ANKRD26: variants seen among roughly 807,000 people sequenced by gnomAD.
ANKRD26 encodes the protein ankyrin repeat domain 26, also known as ankyrin repeat domain-containing protein 26.
ANKRD26 carries 141 observed loss-of-function variants against 208.7 expected under a neutral mutation model. The ratio of observed to expected loss-of-function variants is 0.68; its 90% CI spans 0.59 to 0.78. The LOEUF (loss-of-function observed/expected upper bound fraction) is 0.78. ANKRD26 is among the 30% of genes least tolerant of loss of function. The pLI is 0.00. For synonymous variants in ANKRD26, 636 were observed against 660.4 expected, an observed-to-expected ratio of 0.96 and a Z score of 0.57; for missense variants, 1,889 against 1,938.7, an observed-to-expected ratio of 0.97 and a Z score of 0.48.
intron 1 of ANKRD26, among the ~76,000 whole-genome samples, chr10:27,098,715 AT>A (rs1052131123): frequency 6.6e-6 from 1 of 151,224 alleles, no homozygotes; most frequent in Non-Finnish European, 1.5e-5. Flanking sequence ...TGCCCGGCTG[AT>A]TTTTTTGTAT....
At chr10:27,027,273 A>C (rs1277536822) in intron 27 of ANKRD26, among the ~76,000 whole-genome samples, 1 of 152,236 alleles carries the variant, frequency 6.6e-6, no homozygotes, top group Non-Finnish European at 1.5e-5. Context: ...TGCTTGTATA[A>C]TGACATAGTA....
chr10:27,025,439 GAATTACA>G (rs2053629545), intron 27 of ANKRD26, among the ~76,000 whole-genome samples: 1 of 151,938 alleles, frequency 6.6e-6, no homozygotes, highest in Non-Finnish European at 1.5e-5. Context: ...TAAAGCACTG[GAATTACA>G]GGTGTCAGCC....
intron 6 of ANKRD26, among the ~76,000 whole-genome samples, chr10:27,079,593 C>A (rs557000655): frequency 6.6e-6 from 1 of 152,238 alleles, no homozygotes; most frequent in South Asian, 2.1e-4. Context: ...GTGGCTCGTG[C>A]CTGTAATCCC....
intron 4 of ANKRD26, 152 bp from the exon 5 acceptor site, chr10:27,086,761 C>CTTTTTTTTTT (rs1255812481): frequency 1.3e-5 from 5 of 376,062 alleles, no homozygotes; most frequent in African/African-American, 2.9e-5. Flanking sequence ...GCTCTACAAA[C>CTTTTTTTTTT]TTTTTTGTTT....
intron 2 of ANKRD26, 22 bp downstream of exon 2, chr10:27,093,663 G>A: frequency 6.2e-7 from 1 of 1,607,300 alleles, no homozygotes; most frequent in Non-Finnish European, 8.5e-7. Context: ...ATCTGATGCT[G>A]AAAGAGCTGG....
intron 33 of ANKRD26, among the ~76,000 whole-genome samples, chr10:27,006,322 C>T (rs1158662500): frequency 6.6e-6 from 1 of 152,064 alleles, no homozygotes; most frequent in Non-Finnish European, 1.5e-5. Context: ...CAAAGGGGCC[C>T]GAAGAACAGC....
intron 32 of ANKRD26, among the ~76,000 whole-genome samples, chr10:27,011,290 T>G (rs1419076180): frequency 6.6e-6 from 1 of 152,236 alleles, no homozygotes; most frequent in African/African-American, 2.4e-5. Flanking sequence ...AGGGTCTTGC[T>G]ATGCTGCCCA....
the ANKRD26 span, among the ~76,000 whole-genome samples, chr10:26,964,371 C>G: frequency 1.3e-5 from 2 of 152,086 alleles, no homozygotes; most frequent in Admixed American, 6.5e-5. Context: ...AACACCACAC[C>G]CTTCTCCACA....
rs2055161669 is a variant in ANKRD26 at position 27,064,232 on chromosome 10, C to T, written c.1270-151G>A. 6.1e-6 allele frequency: 4 copies of T among 652,324 alleles called. No homozygotes were observed. In the East Asian group the frequency reaches 1.1e-4, roughly 18 times the overall value. 40.4% of individuals were successfully genotyped at this position (652,324 alleles called of 1,614,324 possible). A position where few individuals can be genotyped will look rare whatever the true frequency, so the allele number is the denominator to read the frequency against. On this transcript the variant is annotated intron_variant, in intron 11 of 33. Transcript: ENST00000376087. ...GATAAGCATGTATTGAAAACCAAAA[C>T]ATTTCAATAAAGAACCTCATATATG...
chr10:26,998,368 C>T lies in ANKRD26; in HGVS notation c.563-3221G>A, dbSNP rs189627057. Among the ~76,000 whole-genome samples the T allele has an allele frequency of 1.1e-4, 17 of 152,280 alleles. No homozygotes were observed. In the East Asian group the frequency reaches 3.3e-3, roughly 29 times the overall value. ...GGAATGACATTTAGCAGAGAAGGTG[C>T]TCGCTCCCAGGCATCTTTGAGCCTG... On this transcript the variant is annotated intron_variant, in intron 4 of 5. Coordinates refer to the ANKRD26 transcript ENST00000445828.
exon 6 of ANKRD26, among the ~76,000 whole-genome samples, chr10:26,975,940 G>C (rs1589159302): frequency 6.6e-6 from 1 of 152,126 alleles, no homozygotes; most frequent in East Asian, 1.9e-4. Flanking sequence ...CGTAGGATAA[G>C]ATTATTGTTG....
chr10:26,979,359 T>C (rs1485709360), intron 5 of ANKRD26, among the ~76,000 whole-genome samples: 1 of 152,176 alleles, frequency 6.6e-6, no homozygotes, highest in Non-Finnish European at 1.5e-5. Flanking sequence ...TAGTCTTGAC[T>C]CTGGAAACTG....
At chr10:27,052,162 G>A (rs1167244916) in intron 16 of ANKRD26, 8 of 977,332 alleles carry the variant, frequency 8.2e-6, no homozygotes, top group African/African-American at 1.8e-5. Flanking sequence ...AATCAAGTAC[G>A]GACAAAGAAA....
intron 5 of ANKRD26, among the ~76,000 whole-genome samples, chr10:26,979,210 C>T (rs781178057): frequency 6.6e-6 from 1 of 152,164 alleles, no homozygotes; most frequent in Non-Finnish European, 1.5e-5. Flanking sequence ...CAGAGCGAGA[C>T]TCCATCTCAA....
intron 32 of ANKRD26, 65 bp from the exon 33 acceptor site, chr10:27,007,027 T>C (rs960713507): frequency 5.5e-5 from 67 of 1,225,180 alleles, no homozygotes; most frequent in Admixed American, 4.7e-4. Flanking sequence ...ATAGAAATGA[T>C]GTATCACTTA....
chr10:27,079,365 G>A (rs1195166185), intron 6 of ANKRD26, among the ~76,000 whole-genome samples: 2 of 152,144 alleles, frequency 1.3e-5, no homozygotes, highest in Non-Finnish European at 2.9e-5. Context: ...ACCAATTGCT[G>A]CCTCTACCTC....
intron 4 of ANKRD26, 46 bp downstream of exon 4, chr10:27,092,360 T>C (rs1303353562): frequency 6.9e-7 from 1 of 1,451,380 alleles, no homozygotes; most frequent in African/African-American, 1.4e-5. Context: ...AAAAAAACTT[T>C]TAAACATACA....
chr10:27,078,422 T>C (rs959274810), intron 7 of ANKRD26, among the ~76,000 whole-genome samples: 1 of 152,078 alleles, frequency 6.6e-6, no homozygotes, highest in Non-Finnish European at 1.5e-5. Flanking sequence ...GATAAATCAT[T>C]TTTAAAAGAT....
intron 7 of ANKRD26, 148 bp downstream of exon 7, chr10:27,078,941 G>T: frequency 1.9e-6 from 1 of 533,068 alleles, no homozygotes; most frequent in Admixed American, 3.5e-5. Context: ...AATTCAACTG[G>T]CCATATTTCT....
Sources: allele counts gnomAD v4.1 joint callset (sites outside exome capture counted in the v4.1 genomes callset), GRCh38; gene constraint gnomAD v4.1.1; transcripts MANE v1.5; gene names NCBI Gene and HGNC (gene_info 2026-07-23, HGNC 2026-07-21).